CD1B: variants seen among roughly 807,000 people sequenced by gnomAD.
CD1B encodes the protein T-cell surface glycoprotein CD1b.
CD1B carries 43 observed loss-of-function variants against 39.8 expected under a neutral mutation model. The ratio of observed to expected loss-of-function variants is 1.08; its 90% CI spans 0.85 to 1.39. CD1B has a LOEUF of 1.39. Ranked by LOEUF, CD1B falls within the 40% of genes most tolerant of loss-of-function variation. The probability of loss-of-function intolerance (pLI) is 0.00; values close to 1 mark genes in which losing one functional copy is unlikely to be tolerated. For synonymous variants in CD1B, 192 were observed against 152.5 expected (o/e 1.26, Z -1.91); for missense variants, 495 against 403.8 (o/e 1.23, Z -1.94).
At chr1:158,290,804 C>T in the CD1B span, among the ~76,000 whole-genome samples, 4 of 152,316 alleles carry the variant, frequency 2.6e-5, no homozygotes, top group South Asian at 8.3e-4. Flanking sequence ...GCTAGTTCTT[C>T]TCCTCCCCGG....
chr1:158,309,256 G>C, the CD1B span, among the ~76,000 whole-genome samples: 3 of 152,212 alleles, frequency 2.0e-5, no homozygotes, highest in Admixed American at 6.5e-5. Context: ...GGCCATCAGA[G>C]AAATGCAAAT....
the CD1B span, among the ~76,000 whole-genome samples, chr1:158,305,266 A>C: frequency 6.6e-6 from 1 of 152,244 alleles, no homozygotes; most frequent in Non-Finnish European, 1.5e-5. Context: ...CTGAAAACAA[A>C]GGCAAGAGAA....
the CD1B span, among the ~76,000 whole-genome samples, chr1:158,300,351 T>A: frequency 6.6e-6 from 1 of 152,196 alleles, no homozygotes; most frequent in Non-Finnish European, 1.5e-5. Context: ...AGACAGTTTG[T>A]TGTGATTTCT....
downstream of CD1B, among the ~76,000 whole-genome samples, chr1:158,326,237 G>C (rs1379909304): frequency 1.3e-5 from 2 of 152,162 alleles, no homozygotes; most frequent in Admixed American, 1.3e-4. Context: ...CTCCCAAAGT[G>C]CTGGGATTAC....
chr1:158,325,701 T>C (rs1652326656), downstream of CD1B, among the ~76,000 whole-genome samples: 1 of 152,056 alleles, frequency 6.6e-6, no homozygotes, highest in South Asian at 2.1e-4. Context: ...AGAAAAGCTT[T>C]TCTGGTGATC....
chr1:158,287,321 G>A, the CD1B span, among the ~76,000 whole-genome samples: 318 of 152,168 alleles, frequency 2.1e-3, 2 homozygotes, highest in African/African-American at 7.5e-3. Flanking sequence ...AGAGCGACAG[G>A]GAGAGACAGA....
the CD1B span, among the ~76,000 whole-genome samples, chr1:158,316,051 G>T: frequency 6.6e-6 from 1 of 151,914 alleles, no homozygotes; most frequent in Non-Finnish European, 1.5e-5. Flanking sequence ...TGCTGTTTTG[G>T]TTACTGTAGC....
At chr1:158,305,593 A>T in the CD1B span, among the ~76,000 whole-genome samples, 1 of 152,110 alleles carries the variant, frequency 6.6e-6, no homozygotes, top group Non-Finnish European at 1.5e-5. Context: ...CCACAAAGAT[A>T]CTCCTCAAGA....
intron 2 of CD1B, 120 bp downstream of exon 2, chr1:158,330,676 T>A (rs775798383): frequency 2.1e-6 from 2 of 956,464 alleles, no homozygotes; most frequent in East Asian, 2.4e-5. Context: ...AAGAAAAGCA[T>A]GTGCGTGCAT....
chr1:158,293,510 A>G, the CD1B span: 1 of 1,614,010 alleles, frequency 6.2e-7, no homozygotes, highest in Non-Finnish European at 8.5e-7. Flanking sequence ...TTGTGTTAAG[A>G]ACCCAGCAAC....
At chr1:158,305,953 A>G in the CD1B span, among the ~76,000 whole-genome samples, 1 of 152,244 alleles carries the variant, frequency 6.6e-6, no homozygotes, top group Non-Finnish European at 1.5e-5. Flanking sequence ...AAAAGGAACA[A>G]GTGGTACCAG....
chr1:158,286,139 A>G, the CD1B span, among the ~76,000 whole-genome samples: 1 of 152,042 alleles, frequency 6.6e-6, no homozygotes, highest in Non-Finnish European at 1.5e-5. Context: ...AAAGGACAAG[A>G]AAAGGGAAGT....
the CD1B span, chr1:158,289,839 G>C: frequency 2.1e-6 from 1 of 466,672 alleles, no homozygotes; most frequent in Non-Finnish European, 3.9e-6. Context: ...AGAGCAGCTG[G>C]AATCCTGAGA....
chr1:158,285,762 T>A, the CD1B span, among the ~76,000 whole-genome samples: 1 of 152,144 alleles, frequency 6.6e-6, no homozygotes, highest in Admixed American at 6.6e-5. Context: ...GACTGGGACC[T>A]TTTTGGCTGT....
the CD1B span, among the ~76,000 whole-genome samples, chr1:158,307,827 A>G: frequency 4.6e-5 from 7 of 152,314 alleles, no homozygotes; most frequent in East Asian, 1.2e-3. Context: ...TATTGATGGG[A>G]TGTATCTCAA....
chr1:158,316,425 A>T, the CD1B span, among the ~76,000 whole-genome samples: 1 of 151,648 alleles, frequency 6.6e-6, no homozygotes, highest in African/African-American at 2.4e-5. Context: ...AGCAATTGTG[A>T]ATGGGATTTC....
the CD1B span, among the ~76,000 whole-genome samples, chr1:158,300,069 A>G: frequency 6.6e-6 from 1 of 151,898 alleles, no homozygotes; most frequent in Non-Finnish European, 1.5e-5. Flanking sequence ...AGTTCTTTTA[A>G]TGTGATGTTA....
At chr1:158,297,787 T>C in the CD1B span, among the ~76,000 whole-genome samples, 3 of 151,848 alleles carry the variant, frequency 2.0e-5, no homozygotes, top group East Asian at 5.8e-4. Context: ...CCAAGAAAAT[T>C]AGCTAAGAAT....
chr1:158,309,386 C>T, the CD1B span, among the ~76,000 whole-genome samples: 2 of 152,142 alleles, frequency 1.3e-5, no homozygotes, highest in African/African-American at 2.4e-5. Flanking sequence ...GTTGGTGGGA[C>T]TGTAAACTAG....
Sources: gnomAD v4.1 joint callset for allele counts (sites outside exome capture counted in the v4.1 genomes callset) on GRCh38, gnomAD v4.1.1 for gene constraint, MANE v1.5 for transcripts, NCBI Gene and HGNC (gene_info 2026-07-23, HGNC 2026-07-21) for gene names.